THSD7B: variants seen among roughly 807,000 people sequenced by gnomAD.
THSD7B encodes thrombospondin type-1 domain-containing protein 7B.
A neutral mutation model predicts 213.6 loss-of-function variants in THSD7B; 138 were observed. The ratio of observed to expected loss-of-function variants is 0.65; its 90% CI spans 0.56 to 0.74. The LOEUF is 0.74. Among genes scored for constraint, THSD7B ranks in the 30% least tolerant of loss-of-function variants. The probability of loss-of-function intolerance (pLI) is 0.00; values close to 1 mark genes in which losing one functional copy is unlikely to be tolerated. For synonymous variants in THSD7B, 742 were observed against 687.0 expected, an observed-to-expected ratio of 1.08 and a Z score of -1.25; for missense variants, 1,931 against 1,991.5, an observed-to-expected ratio of 0.97 and a Z score of 0.58.
At chr2:137,269,398 C>T (rs1019483278) in intron 10 of THSD7B, among the ~76,000 whole-genome samples, 69 of 152,316 alleles carry the variant, frequency 4.5e-4, no homozygotes, top group Non-Finnish European at 1.8e-4. Context: ...GGTGTGTGCA[C>T]GTGTGTGCAT....
intron 15 of THSD7B, among the ~76,000 whole-genome samples, chr2:137,548,471 C>T (rs2105202937): frequency 6.6e-6 from 1 of 152,104 alleles, no homozygotes; most frequent in South Asian, 2.1e-4. Context: ...CACACACTCT[C>T]ATCTCCCTCA....
chr2:136,988,518 T>C (rs1398658228), intron 2 of THSD7B, among the ~76,000 whole-genome samples: 1 of 152,222 alleles, frequency 6.6e-6, no homozygotes, highest in Non-Finnish European at 1.5e-5. Context: ...TTGGGAAGAC[T>C]GGCCTCCACT....
At chr2:137,522,004 C>T (rs543229907) in intron 15 of THSD7B, among the ~76,000 whole-genome samples, 11 of 152,302 alleles carry the variant, frequency 7.2e-5, no homozygotes, top group Non-Finnish European at 1.2e-4. Context: ...CACAAGACCT[C>T]CTTGGTTCTG....
At chr2:136,795,056 G>A (rs4499474) in intron 1 of THSD7B, among the ~76,000 whole-genome samples, 48 of 151,954 alleles carry the variant, frequency 3.2e-4, no homozygotes, top group African/African-American at 1.1e-3. Flanking sequence ...TTATATTTAA[G>A]ATATTTCTCT....
chr2:136,766,659 T>C (rs1681402192), intron 1 of THSD7B, among the ~76,000 whole-genome samples: 1 of 152,166 alleles, frequency 6.6e-6, no homozygotes, highest in Non-Finnish European at 1.5e-5. Flanking sequence ...GGTGGTACTT[T>C]TTTCTTTTGG....
chr2:136,961,224 CTT>C (rs201759566), intron 2 of THSD7B, among the ~76,000 whole-genome samples: 3 of 126,932 alleles, frequency 2.4e-5, no homozygotes, highest in Non-Finnish European at 1.6e-5. Context: ...TTTTTCTTTT[CTT>C]TTTTTTTTTT....
chr2:136,858,185 A>G (rs1308558998), intron 1 of THSD7B, among the ~76,000 whole-genome samples: 1 of 152,276 alleles, frequency 6.6e-6, no homozygotes, highest in African/African-American at 2.4e-5. Context: ...AATTAAAAAT[A>G]CATTTAAAGC....
intron 4 of THSD7B, among the ~76,000 whole-genome samples, chr2:137,100,412 A>G (rs1573822655): frequency 6.6e-6 from 1 of 151,906 alleles, no homozygotes; most frequent in East Asian, 2.0e-4. Flanking sequence ...TTGCTGCAAA[A>G]GTAATTGCAG....
chr2:136,979,847 T>G (rs1200998770), intron 2 of THSD7B, among the ~76,000 whole-genome samples: 1 of 152,218 alleles, frequency 6.6e-6, no homozygotes, highest in Non-Finnish European at 1.5e-5. Context: ...AGAGACACTC[T>G]TGCTTTTTTA....
At chr2:137,348,523 C>T (rs534666510) in intron 12 of THSD7B, among the ~76,000 whole-genome samples, 26 of 151,724 alleles carry the variant, frequency 1.7e-4, no homozygotes, top group Non-Finnish European at 3.5e-4. Flanking sequence ...CCAGCCCATG[C>T]TTTATGAGAT....
At chr2:137,052,971 G>C (rs1359532619) in intron 2 of THSD7B, among the ~76,000 whole-genome samples, 1 of 152,030 alleles carries the variant, frequency 6.6e-6, no homozygotes, top group East Asian at 1.9e-4. Context: ...CATGTTTTTT[G>C]GTTGTCCTCA....
chr2:137,632,777 C>T (rs553264275), intron 20 of THSD7B, among the ~76,000 whole-genome samples: 3 of 152,302 alleles, frequency 2.0e-5, no homozygotes, highest in Admixed American at 6.5e-5. Flanking sequence ...CTTGACATCA[C>T]GGCCTTGACT....
At chr2:137,451,846 G>T (rs1244707457) in intron 15 of THSD7B, among the ~76,000 whole-genome samples, 1 of 152,006 alleles carries the variant, frequency 6.6e-6, no homozygotes, top group Admixed American at 6.6e-5. Context: ...TTAGACAGGT[G>T]AAGTGTGTCT....
At chr2:137,112,845 A>C (rs956298369) in intron 4 of THSD7B, among the ~76,000 whole-genome samples, 5 of 151,946 alleles carry the variant, frequency 3.3e-5, no homozygotes, top group African/African-American at 1.2e-4. Flanking sequence ...TGCAAGAAGA[A>C]AGGGAATGGA....
At chr2:136,984,091 T>A (rs1003726674) in intron 2 of THSD7B, among the ~76,000 whole-genome samples, 1 of 152,144 alleles carries the variant, frequency 6.6e-6, no homozygotes, top group Admixed American at 6.5e-5. Context: ...AAATATTGGA[T>A]AAGCACCAAC....
At chr2:136,888,298 AT>A (rs1183950767) in intron 2 of THSD7B, among the ~76,000 whole-genome samples, 3 of 152,098 alleles carry the variant, frequency 2.0e-5, no homozygotes, top group Non-Finnish European at 4.4e-5. Context: ...TGGAATTAAT[AT>A]TTTTGGAAAA....
chr2:137,089,702 G>A (rs1484404662), intron 3 of THSD7B, among the ~76,000 whole-genome samples: 1 of 152,026 alleles, frequency 6.6e-6, no homozygotes, highest in East Asian at 1.9e-4. Context: ...TACAAATTGG[G>A]TGCAGTGTAG....
chr2:137,655,015 G>A lies in THSD7B; in HGVS notation c.3946-486G>A, dbSNP rs1469314352. Among the ~76,000 whole-genome samples, 9 of 152,260 alleles carry A rather than the reference G, an allele frequency of 5.9e-5. No homozygotes were observed. In the South Asian group the frequency reaches 1.2e-3, roughly 21 times the overall value. ...GAACATTATTCAGCATAGAAGGCAT[G>A]CTGTGAAAACAAATTCTTGTGGCAA... On this transcript the variant is annotated intron_variant, in intron 21 of 27. Coordinates refer to ENST00000409968, the MANE Select transcript of THSD7B (RefSeq NM_001316349.2).
At chr2:137,312,395 CT>C (rs1372715134) in intron 12 of THSD7B, among the ~76,000 whole-genome samples, 1 of 148,562 alleles carries the variant, frequency 6.7e-6, no homozygotes, top group Non-Finnish European at 1.5e-5. Flanking sequence ...ATTCTTCTCT[CT>C]TTTTTTCTTT....
Sources: gnomAD v4.1 joint callset for allele counts (sites outside exome capture counted in the v4.1 genomes callset) on GRCh38, gnomAD v4.1.1 for gene constraint, MANE v1.5 for transcripts, NCBI Gene and HGNC (gene_info 2026-07-23, HGNC 2026-07-21) for gene names.